The following NPNT variants were observed in gnomAD, a reference collection of about 807,000 sequenced individuals.
The protein encoded by NPNT is nephronectin.
A neutral mutation model predicts 68.6 loss-of-function variants in NPNT; 45 were observed. That is an observed-to-expected ratio of 0.66 (90% confidence interval 0.52 to 0.84). The LOEUF is 0.84. NPNT is among the 40% of genes least tolerant of loss of function. NPNT has a pLI of 0.00. For synonymous variants in NPNT, 233 were observed against 253.3 expected, an observed-to-expected ratio of 0.92 and a Z score of 0.76; for missense variants, 672 against 714.8, an observed-to-expected ratio of 0.94 and a Z score of 0.68.
chr4:105,916,430 C>T (rs1727826764), intron 2 of NPNT, among the ~76,000 whole-genome samples: 1 of 151,794 alleles, frequency 6.6e-6, no homozygotes, highest in Admixed American at 6.6e-5. Flanking sequence ...CCATATTGCC[C>T]AGGCTGGTCT....
chr4:105,917,635 C>T (rs982866145), intron 2 of NPNT, among the ~76,000 whole-genome samples: 8 of 152,034 alleles, frequency 5.3e-5, no homozygotes, highest in Non-Finnish European at 1.2e-4. Context: ...TATGAAAGCA[C>T]TGAAGAGGGT....
intron 8 of NPNT, among the ~76,000 whole-genome samples, chr4:105,947,638 A>G (rs1730489080): frequency 6.6e-6 from 1 of 152,168 alleles, no homozygotes; most frequent in South Asian, 2.1e-4. Flanking sequence ...TACTCCATGT[A>G]CTCAAAGACA....
intron 2 of NPNT, among the ~76,000 whole-genome samples, chr4:105,904,164 AT>A (rs1224223032): frequency 6.6e-5 from 10 of 152,116 alleles, no homozygotes; most frequent in Non-Finnish European, 7.4e-5. Flanking sequence ...ACTGATGAAC[AT>A]TTATGTTGAT....
At chr4:105,942,184 G>C in intron 7 of NPNT, 123 bp from the exon 8 acceptor site, 1 of 644,054 alleles carries the variant, frequency 1.6e-6, no homozygotes, top group East Asian at 2.7e-5. Context: ...CTTACAGTAG[G>C]TAATATTCTA....
Position 105,944,315 on chromosome 4 carries a change from G to A in NPNT, c.1159+1613G>A, listed in dbSNP as rs536328191. Among the ~76,000 whole-genome samples, 3 of 151,854 alleles carry A rather than the reference G, an allele frequency of 2.0e-5. No individual in the cohort carries two copies. The East Asian group carries it at 5.8e-4, about 29-fold the overall frequency. On this transcript the variant is annotated intron_variant, in intron 8 of 11. Transcript: ENST00000379987. ...TTCTCATCATTGTGATCATACAATGGGATTTTTAATTTATGAGTGCTTAAG... is the reference window on the plus strand; with the variant it reads ...TTCTCATCATTGTGATCATACAATGAGATTTTTAATTTATGAGTGCTTAAG...
chr4:105,898,338 C>CTCTCTCTG (rs1726098781), intron 2 of NPNT, among the ~76,000 whole-genome samples: 2 of 128,340 alleles, frequency 1.6e-5, no homozygotes, highest in Non-Finnish European at 3.3e-5. Context: ...GTCTCTCTCT[C>CTCTCTCTG]TCTCTCTCTC....
chr4:105,958,930 G>A, intron 9 of NPNT, 98 bp from the exon 10 acceptor site: 3 of 761,664 alleles, frequency 3.9e-6, no homozygotes, highest in East Asian at 5.1e-5. Context: ...ATGGATAGGA[G>A]AGAACACTTG....
At chr4:105,952,933 C>T (rs999926022) in intron 8 of NPNT, among the ~76,000 whole-genome samples, 5 of 152,062 alleles carry the variant, frequency 3.3e-5, no homozygotes, top group Non-Finnish European at 7.4e-5. Flanking sequence ...AAGGGGAGGC[C>T]GAGGCAGGTG....
chr4:105,929,120 C>CCCCT (rs112616205), intron 3 of NPNT, among the ~76,000 whole-genome samples: 3 of 151,630 alleles, frequency 2.0e-5, no homozygotes, highest in African/African-American at 7.3e-5. Flanking sequence ...CCTCCCCTTA[C>CCCCT]CCCTAACCCC....
intron 8 of NPNT, among the ~76,000 whole-genome samples, chr4:105,953,047 T>C (rs1482665866): frequency 6.6e-6 from 1 of 152,106 alleles, no homozygotes; most frequent in East Asian, 1.9e-4. Flanking sequence ...ACACCTGGAA[T>C]CCCAGCTACT....
In NPNT at chr4:105,895,664, C is replaced by T. The variant is rs1578556411; in HGVS notation, c.12C>T (p.Leu4=). 3 of 1,551,898 alleles carry T rather than the reference C, an allele frequency of 1.9e-6. No individual in the cohort carries two copies. In the East Asian group the frequency reaches 7.3e-5, roughly 38 times the overall value. The change falls in exon 1 of 12, where the codon CTC becomes CTT. Residue 4 remains leucine, a synonymous_variant. Coordinates refer to ENST00000379987, the MANE Select transcript of NPNT (RefSeq NM_001033047.3). The stretch of plus-strand genomic sequence containing the variant: ...ACCCGCTGCCCAACATGGATTTTCT[C>T]CTGGCGCTGGTGCTGGTATCCTCGC... MDF[L]LALVLVSSLY...
chr4:105,942,136 T>TATATATATATATATATATATATATAGAC (rs140603677), intron 7 of NPNT, among the ~76,000 whole-genome samples, 171 bp from the exon 8 acceptor site: 8 of 147,774 alleles, frequency 5.4e-5, no homozygotes, highest in African/African-American at 1.8e-4. Context: ...TATATATATA[T>TATATATATATATATATATATATATAGAC]ACACACATAT....
rs746076434 is a variant in NPNT, at chr4:105,940,594, A to G, written c.721A>G (p.Lys241Glu). 53 of 1,613,382 alleles carry G rather than the reference A, an allele frequency of 3.3e-5. No homozygotes were observed. The highest frequency in any genetic ancestry group is 4.2e-5 in the Non-Finnish European group (50 of 1,179,506). Residue 241 changes from lysine (K) to glutamate (E), a missense_variant, in exon 7 of 12, where the codon AAA becomes GAA. Physicochemically the swap from Lys to Glu is moderately conservative, Grantham distance 56 (BLOSUM62 1). Coordinates refer to ENST00000379987, the MANE Select transcript of NPNT (RefSeq NM_001033047.3). ...CYNIRGSYKC[K>E]CKEGYQGDGL... is the part of the protein sequence containing the mutation. ...TAACATACGTGGGTCCTACAAGTGC[A>G]AATGTAAAGAAGGATACCAGGGTGA... is the stretch of plus-strand genomic sequence containing the variant.
At position 105,942,536 on chromosome 4, in the gene NPNT, A is replaced by G. The variant is rs760119811; in HGVS notation, c.993A>G (p.Pro331=). Residue 331 remains proline, a synonymous_variant, in exon 8 of 12, where the codon CCA becomes CCG. Transcript: ENST00000379987. ...KPTPIPTPPP[P]PPLPTELRTP... ...CACCAATTCCTACTCCACCACCACCACCACCCCTGCCAACAGAGCTCAGAA... is the reference window on the plus strand; with the variant it reads ...CACCAATTCCTACTCCACCACCACCGCCACCCCTGCCAACAGAGCTCAGAA... The G allele has an allele frequency of 6.2e-7, 1 of 1,613,786 alleles. No individual in the cohort carries two copies. Among genetic ancestry groups the G allele is most frequent in the South Asian group, 1.1e-5 (1 of 91,056 alleles).
intron 9 of NPNT, 46 bp from the exon 10 acceptor site, chr4:105,958,982 T>G: frequency 8.1e-7 from 1 of 1,230,544 alleles, no homozygotes; most frequent in Non-Finnish European, 1.2e-6. Context: ...TTGTTGTTTT[T>G]TGTTGATTTT....
chr4:105,907,334 T>G (rs1200176105), intron 2 of NPNT, among the ~76,000 whole-genome samples: 2 of 152,162 alleles, frequency 1.3e-5, no homozygotes, highest in African/African-American at 4.8e-5. Flanking sequence ...TTTTAAAAAT[T>G]ATGACTCAAT....
At chr4:105,931,783 T>C (rs1402713182) in intron 3 of NPNT, among the ~76,000 whole-genome samples, 2 of 151,634 alleles carry the variant, frequency 1.3e-5, no homozygotes, top group Non-Finnish European at 2.9e-5. Flanking sequence ...GAGCTTGCAG[T>C]GAGCCAAGAT....
chr4:105,920,862 G>A (rs1165575640), intron 2 of NPNT, among the ~76,000 whole-genome samples: 3 of 152,026 alleles, frequency 2.0e-5, no homozygotes, highest in Non-Finnish European at 4.4e-5. Flanking sequence ...ATTCGTATTT[G>A]ACTATGGTTT....
intron 2 of NPNT, chr4:105,902,915 C>G (rs1726534604): frequency 1.3e-5 from 2 of 152,132 alleles, no homozygotes; most frequent in African/African-American, 4.8e-5. Context: ...TACTAATTTC[C>G]TGAAATCCCT....
Sources: gnomAD v4.1 joint callset for allele counts (sites outside exome capture counted in the v4.1 genomes callset) on GRCh38, gnomAD v4.1.1 for gene constraint, MANE v1.5 for transcripts, NCBI Gene and HGNC (gene_info 2026-07-23, HGNC 2026-07-21) for gene names.